Variants in PCGF5 observed in about 807,000 individuals in gnomAD.
PCGF5 encodes the protein polycomb group RING finger protein 5.
In PCGF5, 9 loss-of-function variants were observed where a neutral mutation model predicts 44.3. The ratio of observed to expected loss-of-function variants is 0.20; its 90% CI spans 0.12 to 0.35. PCGF5 has a LOEUF of 0.35. Ranked by LOEUF, PCGF5 falls within the 10% of genes least tolerant of loss-of-function variation. The pLI is 1.00. For synonymous variants in PCGF5, 95 were observed against 102.5 expected (o/e 0.93, Z 0.44); for missense variants, 146 against 305.3 (o/e 0.48, Z 3.89).
intron 1 of PCGF5, among the ~76,000 whole-genome samples, chr10:91,173,950 A>C (rs1843658450): frequency 6.6e-6 from 1 of 151,602 alleles, no homozygotes; most frequent in African/African-American, 2.4e-5. Flanking sequence ...AACAGCTAAG[A>C]CTCCAGTATT....
chr10:91,248,209 C>T (rs770329486), intron 3 of PCGF5, among the ~76,000 whole-genome samples: 1 of 152,022 alleles, frequency 6.6e-6, no homozygotes, highest in Non-Finnish European at 1.5e-5. Flanking sequence ...AAAGCCAGAC[C>T]GTATTTCCAA....
chr10:91,220,692 G>T lies in PCGF5; in HGVS notation c.-328G>T, dbSNP rs2133272109. 6.6e-6 allele frequency: 1 copy of T among 152,052 alleles called. No individual in the cohort carries two copies. The highest frequency in any genetic ancestry group is 2.1e-4 in the South Asian group (1 of 4,836). 9.4% of individuals were successfully genotyped at this position (152,052 alleles called of 1,614,324 possible). ...GGCCTGAGCCGAGTGGCCCCACAGA[G>T]CCGGCGCGCTCCCGCCTGCAGGGGG... On this transcript the variant is annotated 5_prime_UTR_variant, in exon 1 of 10. Transcript: ENST00000336126.
At chr10:91,239,135 G>A (rs983936969) in intron 2 of PCGF5, among the ~76,000 whole-genome samples, 7 of 152,032 alleles carry the variant, frequency 4.6e-5, no homozygotes, top group African/African-American at 1.4e-4. Flanking sequence ...GGGGGCGGAG[G>A]GGGAGGCAGG....
intron 1 of PCGF5, among the ~76,000 whole-genome samples, chr10:91,211,810 G>C (rs768095484): frequency 6.6e-6 from 1 of 152,232 alleles, no homozygotes; most frequent in Non-Finnish European, 1.5e-5. Flanking sequence ...AGTTGTTAAA[G>C]TAGAGGCTTT....
intron 1 of PCGF5, among the ~76,000 whole-genome samples, chr10:91,195,463 TATGCATGCATATATATATATATAGAGAG>T (rs1844113730): frequency 8.7e-6 from 1 of 115,118 alleles, no homozygotes; most frequent in African/African-American, 3.2e-5. Flanking sequence ...CATATATATA[TATGCATGCATATATATATATATAGAGAG>T]AGAGAGAGAG....
At chr10:91,221,435 A>G (rs146237275) in intron 1 of PCGF5, among the ~76,000 whole-genome samples, 1,560 of 152,326 alleles carry the variant, frequency 0.01, 13 homozygotes, top group Middle Eastern at 0.02. Context: ...TGAAGGTCAT[A>G]CAGGGGTAAG....
At chr10:91,174,984 G>T (rs549308280) in intron 1 of PCGF5, among the ~76,000 whole-genome samples, 1 of 152,336 alleles carries the variant, frequency 6.6e-6, no homozygotes, top group South Asian at 2.1e-4. Flanking sequence ...AACAGAGGAA[G>T]TTGATACCTA....
At chr10:91,182,896 G>T (rs374748106) in intron 1 of PCGF5, among the ~76,000 whole-genome samples, 2 of 152,262 alleles carry the variant, frequency 1.3e-5, no homozygotes, top group Middle Eastern at 3.4e-3. Context: ...TCAGGAGCAG[G>T]TTATTCAATT....
At chr10:91,204,311 T>C (rs1033628521) in intron 1 of PCGF5, among the ~76,000 whole-genome samples, 1 of 144,222 alleles carries the variant, frequency 6.9e-6, no homozygotes, top group Non-Finnish European at 1.6e-5. Flanking sequence ...AATTAAACCT[T>C]AATCTGAATT....
chr10:91,198,645 T>C (rs1844190911), intron 1 of PCGF5, among the ~76,000 whole-genome samples: 1 of 152,218 alleles, frequency 6.6e-6, no homozygotes, highest in Non-Finnish European at 1.5e-5. Flanking sequence ...CTTGGGAGTT[T>C]TCTGTAAAGG....
At chr10:91,257,246 C>G (rs1347636929) in intron 6 of PCGF5, among the ~76,000 whole-genome samples, 1 of 152,008 alleles carries the variant, frequency 6.6e-6, no homozygotes, top group South Asian at 2.1e-4. Context: ...CAAATCAAAA[C>G]CACAATGAGA....
chr10:91,274,697 T>C (rs941232027), intron 9 of PCGF5, among the ~76,000 whole-genome samples: 1 of 152,128 alleles, frequency 6.6e-6, no homozygotes, highest in African/African-American at 2.4e-5. Flanking sequence ...GAAGCCCTCT[T>C]TGAGGTGGTG....
chr10:91,175,990 A>G (rs1315348313), intron 1 of PCGF5, among the ~76,000 whole-genome samples: 1 of 152,176 alleles, frequency 6.6e-6, no homozygotes, highest in Non-Finnish European at 1.5e-5. Flanking sequence ...TAGTTGATGC[A>G]GTTTCTTCCT....
At chr10:91,181,054 T>G (rs954694400) in intron 1 of PCGF5, among the ~76,000 whole-genome samples, 2 of 152,242 alleles carry the variant, frequency 1.3e-5, no homozygotes, top group African/African-American at 2.4e-5. Flanking sequence ...CTTGTAGAGA[T>G]CTTTCACCTC....
intron 3 of PCGF5, among the ~76,000 whole-genome samples, chr10:91,241,640 C>T (rs148321964): frequency 2.6e-3 from 393 of 151,176 alleles, no homozygotes; most frequent in African/African-American, 8.6e-3. Context: ...GGGTCAATTC[C>T]GGAGTTAGCT....
At chr10:91,165,942 G>T (rs1843492146) in intron 1 of PCGF5, among the ~76,000 whole-genome samples, 2 of 152,162 alleles carry the variant, frequency 1.3e-5, no homozygotes, top group Non-Finnish European at 2.9e-5. Flanking sequence ...AGAAGAATGG[G>T]CTTCTAGCAG....
At chr10:91,211,279 G>A (rs1844446612) in intron 1 of PCGF5, among the ~76,000 whole-genome samples, 1 of 152,182 alleles carries the variant, frequency 6.6e-6, no homozygotes, top group Non-Finnish European at 1.5e-5. Flanking sequence ...GTGATTAGCT[G>A]GGGGGATTAG....
chr10:91,221,643 A>G (rs978344833), intron 1 of PCGF5, among the ~76,000 whole-genome samples: 1 of 152,090 alleles, frequency 6.6e-6, no homozygotes, highest in Non-Finnish European at 1.5e-5. Context: ...AGATGGGGGA[A>G]AGTTCCTGTT....
chr10:91,202,491 G>T (rs1295897074), intron 1 of PCGF5, among the ~76,000 whole-genome samples: 1 of 152,142 alleles, frequency 6.6e-6, no homozygotes, highest in Non-Finnish European at 1.5e-5. Context: ...GATTAAATAG[G>T]ATAAATTTGT....
Sources: allele counts gnomAD v4.1 joint callset (sites outside exome capture counted in the v4.1 genomes callset), GRCh38; gene constraint gnomAD v4.1.1; transcripts MANE v1.5; gene names NCBI Gene and HGNC (gene_info 2026-07-23, HGNC 2026-07-21).